The following NPIPA5 variants were observed in gnomAD, a reference collection of about 807,000 sequenced individuals.
NPIPA5 encodes the protein nuclear pore complex interacting protein family member A5.
Under a neutral mutation model 21.4 loss-of-function variants are expected in NPIPA5, and 6 were observed. The ratio of observed to expected loss-of-function variants is 0.28; its 90% CI spans 0.15 to 0.55. The LOEUF is 0.55. NPIPA5 is among the 20% of genes least tolerant of loss of function. NPIPA5 has a pLI of 0.93. For synonymous variants in NPIPA5, 33 were observed against 115.3 expected (o/e 0.29, Z 4.57); for missense variants, 99 against 318.2 (o/e 0.31, Z 5.24).
intron 4 of NPIPA5, among the ~76,000 whole-genome samples, chr16:15,369,035 A>C (rs1018167990): frequency 1.4e-4 from 20 of 145,838 alleles, no homozygotes; most frequent in African/African-American, 4.5e-4. Flanking sequence ...CACACCTGTA[A>C]TCCAAGCTAC....
upstream of NPIPA5, chr16:15,381,183 C>G (rs946548173): frequency 1.4e-4 from 85 of 588,236 alleles, no homozygotes; most frequent in Middle Eastern, 9.2e-4. Context: ...AGGACAGAAC[C>G]AAGTTCAAAT....
rs775623151 is a variant in NPIPA5, at chr16:15,363,688, G to A, written c.1024C>T (p.Pro342Ser). ...TTTCTTGAGATTATCATCCGCTGAG[G>A]GTGGAAGGGGAGTGAGCAGACACAC... ...PECVCSLPFH[P>S]QRMIISRN is the part of the protein sequence containing the mutation. Residue 342 changes from proline (P) to serine (S), a missense_variant, in exon 8 of 8, where the codon CCT becomes TCT. Pro to Ser is a moderately conservative substitution (Grantham distance 74). This residue lies in a region of NPIPA5 where 75 missense variants were observed against 138.5 expected (regional missense o/e 0.54). Coordinates refer to ENST00000360151, the MANE Select transcript of NPIPA5 (RefSeq NM_001277325.2). 6.7e-6 allele frequency: 10 copies of A among 1,494,206 alleles called. No individual in the cohort carries two copies. Among genetic ancestry groups the A allele is most frequent in the East Asian group, 5.7e-5 (2 of 35,232 alleles). The allele number at this position is 1,494,206 out of a possible 1,614,324, so 92.6% of individuals were successfully genotyped here. A position where few individuals can be genotyped will look rare whatever the true frequency, so the allele number is the denominator to read the frequency against.
At chr16:15,372,170 A>C (rs1410126075) in intron 2 of NPIPA5, among the ~76,000 whole-genome samples, 3 of 148,454 alleles carry the variant, frequency 2.0e-5, no homozygotes, top group African/African-American at 7.4e-5. Flanking sequence ...CCTAAATGGA[A>C]TTGTTAAAAA....
intron 4 of NPIPA5, among the ~76,000 whole-genome samples, chr16:15,369,386 G>A (rs967703793): frequency 4.0e-5 from 6 of 150,796 alleles, no homozygotes; most frequent in African/African-American, 1.5e-4. Flanking sequence ...AACCCAAAAG[G>A]CAGTGAGCTG....
chr16:15,378,858 G>A (rs1375134432), upstream of NPIPA5, among the ~76,000 whole-genome samples: 6 of 106,762 alleles, frequency 5.6e-5, no homozygotes, highest in East Asian at 2.8e-4. Context: ...TTCATGACTG[G>A]CCTCTCAGGG....
At position 15,377,086 on chromosome 16, in the gene NPIPA5, G is replaced by A. The variant is rs558043707; in HGVS notation, c.63+1146C>T. Among the ~76,000 whole-genome samples the A allele has an allele frequency of 8.3e-3, 1,259 of 151,962 alleles. 3 individuals are homozygous for A. Among genetic ancestry groups the A allele is most frequent in the Non-Finnish European group, 0.014 (943 of 67,956 alleles). ...GACAAGAGTGCAGCGGGGCCATCTCGGCTCACTGCAACGTCCAGCTCCTGG... is the reference window on the plus strand; with the variant it reads ...GACAAGAGTGCAGCGGGGCCATCTCAGCTCACTGCAACGTCCAGCTCCTGG... On this transcript the variant is annotated intron_variant, in intron 1 of 7. Coordinates refer to ENST00000360151, the MANE Select transcript of NPIPA5 (RefSeq NM_001277325.2).
upstream of NPIPA5, among the ~76,000 whole-genome samples, chr16:15,379,820 C>T (rs974415084): frequency 4.9e-4 from 74 of 151,720 alleles, no homozygotes; most frequent in Admixed American, 8.5e-4. Context: ...TGGCGCATAC[C>T]TGTAGTCCCA....
At position 15,363,799 on chromosome 16, in the gene NPIPA5, G is replaced by C. The variant is rs1175512500; in HGVS notation, c.913C>G (p.Leu305Val). The C allele has an allele frequency of 7.4e-7, 1 of 1,348,024 alleles. No individual in the cohort carries two copies. The highest frequency in any genetic ancestry group is 1.4e-5 in the South Asian group (1 of 72,622). 83.5% of individuals were successfully genotyped at this position (1,348,024 alleles called of 1,614,324 possible). A position where few individuals can be genotyped will look rare whatever the true frequency, so the allele number is the denominator to read the frequency against. Reference sequence around the variant, plus strand: ...AGCAGACACTCGGCAGGTGTCTTGAGATTATCATCCGCTGAGGGTAGAGCT... The same window carrying C: ...AGCAGACACTCGGCAGGTGTCTTGACATTATCATCCGCTGAGGGTAGAGCT... ...PSALPSADDNLKTPAECLLTP... is the reference protein window; with the variant it reads ...PSALPSADDNVKTPAECLLTP... The change falls in exon 8 of 8, where the codon CTC becomes GTC. Residue 305 changes from leucine to valine, a missense_variant. By Grantham distance (32) the Leu-to-Val change is conservative. Around this residue, in one of 5 missense-constraint regions of NPIPA5, gnomAD observed 75 missense variants for 138.5 expected, o/e 0.54. Coordinates refer to ENST00000360151, the MANE Select transcript of NPIPA5 (RefSeq NM_001277325.2).
chr16:15,372,113 G>T lies in NPIPA5; in HGVS notation c.192+1602C>A, dbSNP rs528342613. On this transcript the variant is annotated intron_variant, in intron 2 of 7. Transcript: ENST00000360151. ...GTAATGACTAGATGACAAGGACAAA[G>T]ATGAGAGGTACAAAGTTGTCCAAGT... Among the ~76,000 whole-genome samples the T allele has an allele frequency of 2.0e-5, 3 of 148,982 alleles. No homozygotes were observed. The South Asian group carries it at 6.5e-4, about 32-fold the overall frequency.
chr16:15,375,647 C>G (rs1457297364), intron 1 of NPIPA5, among the ~76,000 whole-genome samples: 2 of 143,762 alleles, frequency 1.4e-5, no homozygotes, highest in East Asian at 4.3e-4. Context: ...GAGGCTGAGG[C>G]AGAAGAATCA....
intron 2 of NPIPA5, among the ~76,000 whole-genome samples, chr16:15,371,145 C>T (rs2050147227): frequency 6.9e-6 from 1 of 144,568 alleles, no homozygotes; most frequent in African/African-American, 2.5e-5. Flanking sequence ...TATTTTACCA[C>T]AGGTTAACAT....
At chr16:15,372,959 CT>C (rs1405998538) in intron 2 of NPIPA5, among the ~76,000 whole-genome samples, 1 of 137,384 alleles carries the variant, frequency 7.3e-6, no homozygotes, top group Non-Finnish European at 1.6e-5. Flanking sequence ...CAAAATTACC[CT>C]GCCCAGACAC....
intron 2 of NPIPA5, among the ~76,000 whole-genome samples, chr16:15,371,357 T>C (rs1465022793): frequency 6.9e-6 from 1 of 145,410 alleles, no homozygotes; most frequent in Non-Finnish European, 1.5e-5. Context: ...TTCTCACTAA[T>C]GATTGAATTC....
intron 4 of NPIPA5, among the ~76,000 whole-genome samples, chr16:15,369,439 C>T (rs1317626768): frequency 6.6e-6 from 1 of 150,544 alleles, no homozygotes; most frequent in Non-Finnish European, 1.5e-5. Flanking sequence ...AAGAGCAAAG[C>T]TCCGTCTCAG....
In NPIPA5 at chr16:15,369,151, C is replaced by CA. The variant is rs1464695414; in HGVS notation, c.437+560dup. Among the ~76,000 whole-genome samples, 911 of 139,786 alleles carry CA rather than the reference C, an allele frequency of 6.5e-3. 6 individuals carry two copies. Among genetic ancestry groups the CA allele is most frequent in the African/African-American group, 0.023 (857 of 37,700 alleles). The allele number at this position is 139,786 out of a possible 152,430, so 91.7% of individuals were successfully genotyped here. A position where few individuals can be genotyped will look rare whatever the true frequency, so the allele number is the denominator to read the frequency against. ...TGGGCGACAGAGCGAGACTCTATCT[C>CA]AAAATTAAAAAAAAAAAAAAAAGCC... On this transcript the variant is annotated intron_variant, in intron 4 of 7. Coordinates refer to ENST00000360151, the MANE Select transcript of NPIPA5 (RefSeq NM_001277325.2).
intron 1 of NPIPA5, among the ~76,000 whole-genome samples, chr16:15,376,855 T>C (rs2050309842): frequency 6.6e-6 from 1 of 152,142 alleles, no homozygotes; most frequent in South Asian, 2.1e-4. Flanking sequence ...GGCATTGTAA[T>C]CTGAGCTACT....
intron 1 of NPIPA5, among the ~76,000 whole-genome samples, chr16:15,376,196 C>T (rs2050287299): frequency 6.7e-6 from 1 of 149,318 alleles, no homozygotes; most frequent in Non-Finnish European, 1.5e-5. Context: ...AAGAGACTGG[C>T]TGGGAAGAGT....
At chr16:15,376,731 A>G (rs1473682406) in intron 1 of NPIPA5, among the ~76,000 whole-genome samples, 2 of 152,228 alleles carry the variant, frequency 1.3e-5, no homozygotes, top group Non-Finnish European at 1.5e-5. Flanking sequence ...CCTGGCGAAC[A>G]TGGTGAAACC....
chr16:15,369,470 G>A (rs1440980291), intron 4 of NPIPA5, among the ~76,000 whole-genome samples: 1 of 151,490 alleles, frequency 6.6e-6, no homozygotes, highest in African/African-American at 2.4e-5. Flanking sequence ...AAAAGAGAGA[G>A]AGAAAGGAAA....
Sources: gnomAD v4.1 joint callset for allele counts (sites outside exome capture counted in the v4.1 genomes callset) on GRCh38, gnomAD v4.1.1 for gene constraint, gnomAD v4.1.1 regional missense constraint, MANE v1.5 for transcripts, NCBI Gene and HGNC (gene_info 2026-07-23, HGNC 2026-07-21) for gene names.